Variants in MAD1L1 observed in about 807,000 individuals in gnomAD.
MAD1L1 encodes mitotic arrest deficient 1 like 1.
Under a neutral mutation model 96.9 loss-of-function variants are expected in MAD1L1, and 95 were observed. The observed-to-expected ratio is 0.98, with a 90% CI of 0.83 to 1.16. The LOEUF (loss-of-function observed/expected upper bound fraction) is 1.16, where lower values mean the gene tolerates loss of function less well. Ranked by LOEUF, MAD1L1 falls within the 50% of genes most tolerant of loss-of-function variation. MAD1L1 has a pLI of 0.00. For synonymous variants in MAD1L1, 473 were observed against 396.6 expected, an observed-to-expected ratio of 1.19 and a Z score of -2.29; for missense variants, 1,007 against 954.4, an observed-to-expected ratio of 1.06 and a Z score of -0.73.
chr7:2,105,656 C>T (rs936400955), intron 11 of MAD1L1, among the ~76,000 whole-genome samples: 2 of 152,136 alleles, frequency 1.3e-5, no homozygotes, highest in African/African-American at 2.4e-5. Context: ...GAAAATGGGG[C>T]CTCTCTCACC....
At chr7:2,203,663 C>A (rs535719133) in intron 10 of MAD1L1, among the ~76,000 whole-genome samples, 4 of 152,328 alleles carry the variant, frequency 2.6e-5, no homozygotes, top group African/African-American at 7.2e-5. Flanking sequence ...GACCAGCCTG[C>A]GCTGGGGCCA....
chr7:1,816,878 G>C (rs1196848997), intron 18 of MAD1L1: 2 of 151,908 alleles, frequency 1.3e-5, no homozygotes, highest in Non-Finnish European at 2.9e-5. Flanking sequence ...CTGCCCCCGA[G>C]AGCCAGCCCC....
intron 15 of MAD1L1, among the ~76,000 whole-genome samples, chr7:1,966,444 C>T (rs192257374): frequency 2.6e-5 from 4 of 151,400 alleles, no homozygotes; most frequent in African/African-American, 7.3e-5. Context: ...CCCATGCAGA[C>T]GAGTGTGCAC....
At chr7:2,082,200 C>A (rs1785687993) in intron 11 of MAD1L1, among the ~76,000 whole-genome samples, 2 of 151,794 alleles carry the variant, frequency 1.3e-5, no homozygotes, top group African/African-American at 4.8e-5. Context: ...ACCAGGAGGC[C>A]ATGTGTGAGT....
In MAD1L1 at chr7:2,170,824, G is replaced by A. The variant is rs967813697; in HGVS notation, c.987-21586C>T. Among the ~76,000 whole-genome samples the A allele has an allele frequency of 5.9e-5, 9 of 152,332 alleles. No individual in the cohort carries two copies. In the East Asian group the frequency reaches 9.6e-4, roughly 16 times the overall value. The stretch of plus-strand genomic sequence containing the variant: ...CAGGCTGAGAAGGGAAAGTCGGGGC[G>A]TCAGAGATGAGAACCAGGTGCCTGC... On this transcript the variant is annotated intron_variant, in intron 10 of 18. Coordinates refer to ENST00000265854, the MANE Select transcript of MAD1L1 (RefSeq NM_001013836.2).
Position 2,218,712 on chromosome 7 carries a change from G to C in MAD1L1, c.596+620C>G, listed in dbSNP as rs543418235. Among the ~76,000 whole-genome samples the C allele has an allele frequency of 1.7e-3, 259 of 151,778 alleles. 1 individual carries two copies. Among genetic ancestry groups the C allele is most frequent in the African/African-American group, 5.9e-3 (244 of 41,378 alleles). On this transcript the variant is annotated intron_variant, in intron 6 of 18. Coordinates refer to ENST00000265854, the MANE Select transcript of MAD1L1 (RefSeq NM_001013836.2). ...GCTTGAGGCCAGGAGCTCAAGACCA[G>C]CCTGGGTTACAAAGCGAGACCGCCA... is the stretch of plus-strand genomic sequence containing the variant.
chr7:2,220,516 C>T (rs776369574), intron 5 of MAD1L1, among the ~76,000 whole-genome samples: 4 of 152,216 alleles, frequency 2.6e-5, no homozygotes, highest in Non-Finnish European at 4.4e-5. Context: ...AACACACGGG[C>T]GTGATGTCAG....
intron 18 of MAD1L1, among the ~76,000 whole-genome samples, chr7:1,855,101 G>A (rs935615733): frequency 2.0e-5 from 3 of 152,184 alleles, no homozygotes; most frequent in Non-Finnish European, 2.9e-5. Flanking sequence ...CTTCCTCTGC[G>A]GTGAAGAGCC....
chr7:2,059,704 G>T (rs1467176571), intron 12 of MAD1L1, among the ~76,000 whole-genome samples: 1 of 151,826 alleles, frequency 6.6e-6, no homozygotes, highest in Non-Finnish European at 1.5e-5. Flanking sequence ...GTAGCCAGGG[G>T]AGAAGAGAGG....
At chr7:1,928,092 G>A (rs551588313) in intron 17 of MAD1L1, among the ~76,000 whole-genome samples, 9 of 152,202 alleles carry the variant, frequency 5.9e-5, no homozygotes, top group South Asian at 2.1e-4. Flanking sequence ...CGGAGCCCAC[G>A]ACGGAACACC....
At chr7:1,845,124 C>T (rs1435257505) in intron 18 of MAD1L1, among the ~76,000 whole-genome samples, 1 of 152,166 alleles carries the variant, frequency 6.6e-6, no homozygotes, top group African/African-American at 2.4e-5. Flanking sequence ...CTCTTCCCTC[C>T]TAGCAATGCT....
chr7:2,209,772 G>C (rs751175705), intron 10 of MAD1L1, among the ~76,000 whole-genome samples: 1 of 152,314 alleles, frequency 6.6e-6, no homozygotes, highest in East Asian at 1.9e-4. Flanking sequence ...CACAGGCCCA[G>C]GGCACTCCCA....
At chr7:2,049,623 C>T (rs886880277) in intron 12 of MAD1L1, among the ~76,000 whole-genome samples, 1 of 152,246 alleles carries the variant, frequency 6.6e-6, no homozygotes, top group Non-Finnish European at 1.5e-5. Flanking sequence ...CTGGGTCCAG[C>T]AGCATCCCCA....
intron 18 of MAD1L1, among the ~76,000 whole-genome samples, chr7:1,865,935 C>A (rs571932598): frequency 6.6e-6 from 1 of 152,216 alleles, no homozygotes; most frequent in Admixed American, 6.5e-5. Context: ...AGCCTGCCAG[C>A]GTGACAGGCA....
chr7:2,208,355 G>C (rs1184865636), intron 10 of MAD1L1, among the ~76,000 whole-genome samples: 1 of 152,054 alleles, frequency 6.6e-6, no homozygotes, highest in East Asian at 1.9e-4. Context: ...TTGTCTCCAG[G>C]TACAGTTTTA....
Position 1,898,332 on chromosome 7 carries a change from G to A in MAD1L1, c.1866C>T (p.Phe622=), listed in dbSNP as rs1318421964. 1.9e-6 allele frequency: 3 copies of A among 1,613,996 alleles called. No individual in the cohort carries two copies. The African/African-American group carries it at 4.0e-5, about 22-fold the overall frequency. Residue 622 remains phenylalanine (F), a synonymous_variant, in exon 18 of 19, where the codon TTC becomes TTT. Coordinates refer to ENST00000265854, the MANE Select transcript of MAD1L1 (RefSeq NM_001013836.2). ...ELKNQRLKEV[F]QTKIQEFRKA... ...TGCGGAACTCCTGGATCTTGGTCTG[G>A]AAAACCTCCTTGAGCCGCTGGTTCT...
chr7:2,229,900 C>CGTA, intron 3 of MAD1L1, 84 bp downstream of exon 3: 1 of 1,455,570 alleles, frequency 6.9e-7, no homozygotes, highest in Non-Finnish European at 9.3e-7. Flanking sequence ...ACCGACCCAC[C>CGTA]TCAACTACAG....
At chr7:2,069,794 G>A (rs1249035001) in intron 11 of MAD1L1, among the ~76,000 whole-genome samples, 1 of 152,244 alleles carries the variant, frequency 6.6e-6, no homozygotes, top group Non-Finnish European at 1.5e-5. Context: ...CTGGGAACCC[G>A]AGAGGCCTCC....
In MAD1L1 at chr7:1,820,682, G is replaced by T. The variant is rs1782075639; in HGVS notation, c.1999-4454C>A. Among the ~76,000 whole-genome samples, 2 of 152,084 alleles carry T rather than the reference G, an allele frequency of 1.3e-5. 1 individual carries two copies. The highest frequency in any genetic ancestry group is 4.2e-4 in the South Asian group (2 of 4,810). On this transcript the variant is annotated intron_variant, in intron 18 of 18. Transcript: ENST00000265854. The stretch of plus-strand genomic sequence containing the variant: ...CACGTGGGCCTAGGAGTTTGAGGCT[G>T]TAGTGAGCTATGATCACACCACTGC...
Sources: allele counts gnomAD v4.1 joint callset (sites outside exome capture counted in the v4.1 genomes callset), GRCh38; gene constraint gnomAD v4.1.1; transcripts MANE v1.5; gene names NCBI Gene and HGNC (gene_info 2026-07-23, HGNC 2026-07-21).